Variants in TYK2 observed in about 807,000 individuals in gnomAD.
TYK2 encodes the protein tyrosine kinase 2, also known as non-receptor tyrosine-protein kinase TYK2.
In TYK2, 65 loss-of-function variants were observed where a neutral mutation model predicts 130.9. The observed-to-expected ratio is 0.50, with a 90% CI of 0.41 to 0.61. TYK2 has a LOEUF of 0.61. Ranked by LOEUF, TYK2 falls within the 20% of genes least tolerant of loss-of-function variation. The pLI, the probability that TYK2 is intolerant of heterozygous loss-of-function variation, is 0.00. For missense variants in TYK2, 1,378 were observed against 1,610.7 expected (o/e 0.86, Z 2.47); for synonymous variants, 647 against 658.9 (o/e 0.98, Z 0.28).
chr19:10,366,378 C>T (rs770525758), intron 6 of TYK2, 39 bp downstream of exon 6: 2 of 1,596,596 alleles, frequency 1.3e-6, no homozygotes, highest in Admixed American at 3.4e-5. Flanking sequence ...AGGACATTTC[C>T]CCCTGCCTAC....
At chr19:10,368,569 C>G in intron 3 of TYK2, 151 bp from the exon 4 acceptor site, 1 of 1,126,998 alleles carries the variant, frequency 8.9e-7, no homozygotes, top group Non-Finnish European at 1.3e-6. Context: ...GGGCAGAGGA[C>G]AGTGCGTATG....
At chr19:10,352,352 T>A (rs919130116) in intron 23 of TYK2, 82 bp downstream of exon 23, 15 of 957,480 alleles carry the variant, frequency 1.6e-5, no homozygotes, top group Non-Finnish European at 2.6e-5. Context: ...GATTACAGGC[T>A]TGAGCCACCG....
At chr19:10,373,552 A>G (rs772175654) in intron 3 of TYK2, among the ~76,000 whole-genome samples, 5 of 152,020 alleles carry the variant, frequency 3.3e-5, no homozygotes, top group Non-Finnish European at 7.4e-5. Flanking sequence ...GCTGGTCTCA[A>G]ACTCCTAACC....
intron 17 of TYK2, chr19:10,357,164 G>A (rs1414749861): frequency 1.3e-5 from 5 of 386,612 alleles, no homozygotes; most frequent in South Asian, 2.5e-5. Context: ...CGAGGTGGGC[G>A]GATCACCTGA....
intron 17 of TYK2, 157 bp from the exon 18 acceptor site, chr19:10,356,875 G>C: frequency 1.3e-6 from 1 of 757,366 alleles, no homozygotes; most frequent in South Asian, 1.6e-5. Flanking sequence ...AAAGTGGGAG[G>C]ACGTGCTCAC....
Position 10,354,599 on chromosome 19 carries a change from G to A in TYK2, c.2628C>T (p.Asp876=), listed in dbSNP as rs781222747. ...GTGAGTCCGGGTTCACAGTCAAGAC[G>A]TCAGCAAGATCTGGAAGAGTTGCGG... ...LTRLQPHNLA[D]VLTVNPDSPA... The change falls in exon 19 of 25, where the codon GAC becomes GAT. Residue 876 remains aspartate (D), a synonymous_variant. Coordinates refer to ENST00000525621, the MANE Select transcript of TYK2 (RefSeq NM_003331.5). 1 of 1,613,924 alleles carries A rather than the reference G, an allele frequency of 6.2e-7. No individual in the cohort carries two copies. The highest frequency in any genetic ancestry group is 1.6e-4 in the Middle Eastern group (1 of 6,062).
intron 2 of TYK2, 86 bp from the exon 3 acceptor site, chr19:10,378,512 G>T: frequency 9.1e-7 from 1 of 1,097,444 alleles, no homozygotes; most frequent in Non-Finnish European, 1.3e-6. Flanking sequence ...CCCAGCTAAG[G>T]CCTGAGGGGA....
intron 5 of TYK2, among the ~76,000 whole-genome samples, chr19:10,366,783 G>A (rs905148679): frequency 2.0e-5 from 3 of 149,704 alleles, no homozygotes; most frequent in African/African-American, 2.5e-5. Context: ...GGTGGCTCAC[G>A]CCTATAATCC....
chr19:10,352,890 C>G, intron 22 of TYK2, 36 bp downstream of exon 22: 1 of 1,557,976 alleles, frequency 6.4e-7, no homozygotes, highest in Non-Finnish European at 8.7e-7. Flanking sequence ...TCCAAGTGAC[C>G]CCAGCACCCC....
At chr19:10,359,581 C>T (rs994670383) in intron 14 of TYK2, among the ~76,000 whole-genome samples, 1 of 152,114 alleles carries the variant, frequency 6.6e-6, no homozygotes, top group Admixed American at 6.6e-5. Context: ...CGTAGTGGCT[C>T]ACGCCTGTAA....
intron 14 of TYK2, among the ~76,000 whole-genome samples, chr19:10,359,992 T>G (rs948938818): frequency 6.9e-6 from 1 of 145,590 alleles, no homozygotes; most frequent in Non-Finnish European, 1.5e-5. Context: ...GCCTGGGCGA[T>G]AGAGCAAGAC....
intron 15 of TYK2, 142 bp from the exon 16 acceptor site, chr19:10,358,280 GTTAT>G: frequency 3.0e-6 from 2 of 674,818 alleles, no homozygotes; most frequent in Non-Finnish European, 4.6e-6. Context: ...TTTTTGGGGG[GTTAT>G]TTTTTTCTTG....
At chr19:10,368,656 C>G (rs376818815) in intron 3 of TYK2, 1 of 522,248 alleles carries the variant, frequency 1.9e-6, no homozygotes, top group Non-Finnish European at 3.4e-6. Flanking sequence ...AATTGCACTG[C>G]TGGTTTCTGG....
intron 3 of TYK2, among the ~76,000 whole-genome samples, chr19:10,369,572 C>G (rs967026118): frequency 6.6e-6 from 1 of 152,112 alleles, no homozygotes; most frequent in East Asian, 1.9e-4. Context: ...TTCAACCTCT[C>G]CCACCTGCTC....
Position 10,366,473 on chromosome 19 carries a change from G to C in TYK2, c.573C>G (p.Leu191=). The change falls in exon 6 of 25, where the codon CTC becomes CTG. Residue 191 remains leucine, a synonymous_variant. Transcript: ENST00000525621. The part of the protein sequence containing the change: ...NESLGMAFLH[L]CHLALRHGIP... ...TGCCATGGCGGAGAGCGAGGTGACAGAGGTGCAGAAAGGCCATGCCCAGGC... is the reference window on the plus strand; with the variant it reads ...TGCCATGGCGGAGAGCGAGGTGACACAGGTGCAGAAAGGCCATGCCCAGGC... 1 of 1,614,162 alleles carries C rather than the reference G, an allele frequency of 6.2e-7. No homozygotes were observed. The highest frequency in any genetic ancestry group is 8.5e-7 in the Non-Finnish European group (1 of 1,180,028).
intron 3 of TYK2, among the ~76,000 whole-genome samples, chr19:10,375,154 G>A (rs1415703725): frequency 6.6e-6 from 1 of 150,926 alleles, no homozygotes; most frequent in African/African-American, 2.4e-5. Context: ...GGGCAAGAGA[G>A]AGACTGTCTC....
In TYK2 at chr19:10,353,336, C is replaced by T; in HGVS notation, c.3027+192G>A. On this transcript the variant is annotated intron_variant, in intron 21 of 24. Coordinates refer to ENST00000525621, the MANE Select transcript of TYK2 (RefSeq NM_003331.5). This position sits in a 1 kb window ranked among gnomAD's most constrained non-coding sequence, Gnocchi z 6.9. ...GGCGAGTTGGGAGGGGCCGAGCCGGCTGTGCGTGGTCCCTTGGGAGGAGGG... is the reference window on the plus strand; with the variant it reads ...GGCGAGTTGGGAGGGGCCGAGCCGGTTGTGCGTGGTCCCTTGGGAGGAGGG... The T allele has an allele frequency of 1.7e-6, 1 of 575,684 alleles. No individual in the cohort carries two copies. The highest frequency in any genetic ancestry group is 3.0e-6 in the Non-Finnish European group (1 of 331,884). 35.7% of individuals were successfully genotyped at this position (575,684 alleles called of 1,614,324 possible). A position where few individuals can be genotyped will look rare whatever the true frequency, so the allele number is the denominator to read the frequency against.
At chr19:10,369,432 C>G (rs906720166) in intron 3 of TYK2, among the ~76,000 whole-genome samples, 2 of 151,978 alleles carry the variant, frequency 1.3e-5, no homozygotes, top group Admixed American at 1.3e-4. Flanking sequence ...AATCCTAGCT[C>G]ACTGCAGCCT....
chr19:10,379,882 C>T (rs966062111), intron 1 of TYK2, 103 bp from the exon 2 acceptor site: 8 of 152,332 alleles, frequency 5.3e-5, no homozygotes, highest in African/African-American at 1.9e-4. Context: ...CCACAATTCT[C>T]CTCTCCCACA....
Sources: gnomAD v4.1 joint callset for allele counts (sites outside exome capture counted in the v4.1 genomes callset) on GRCh38, gnomAD v4.1.1 for gene constraint, Gnocchi (gnomAD v3.1) non-coding constraint, MANE v1.5 for transcripts, NCBI Gene and HGNC (gene_info 2026-07-23, HGNC 2026-07-21) for gene names.